SGCD: variants seen among roughly 807,000 people sequenced by gnomAD.
The protein encoded by SGCD is sarcoglycan delta, also known as delta-sarcoglycan.
A neutral mutation model predicts 36.6 loss-of-function variants in SGCD; 18 were observed. That is an observed-to-expected ratio of 0.49 (90% CI 0.34 to 0.73). The LOEUF (loss-of-function observed/expected upper bound fraction) is 0.73. SGCD is among the 30% of genes least tolerant of loss of function. The pLI is 0.01. For missense variants in SGCD, 387 were observed against 346.7 expected (o/e 1.12, Z -0.92); for synonymous variants, 133 against 130.6 (o/e 1.02, Z -0.12).
intron 4 of SGCD, among the ~76,000 whole-genome samples, chr5:156,531,300 C>A (rs188442348): frequency 2.0e-5 from 3 of 152,252 alleles, no homozygotes; most frequent in African/African-American, 7.2e-5. Flanking sequence ...GCCTCCAGGA[C>A]TATAAGAAAG....
intron 3 of SGCD, among the ~76,000 whole-genome samples, chr5:156,371,707 A>G (rs1371559894): frequency 3.3e-5 from 5 of 152,112 alleles, no homozygotes; most frequent in Admixed American, 1.3e-4. Flanking sequence ...GATTACAGAG[A>G]CTTTGAGTTG....
rs62380870 is a variant in SGCD, at chr5:156,639,107, C to T, written c.503-8357C>T. Among the ~76,000 whole-genome samples the T allele has an allele frequency of 5.9e-3, 900 of 151,628 alleles. 3 individuals are homozygous for T. The highest frequency in any genetic ancestry group is 0.045 in the Middle Eastern group (13 of 288). ...ATGTATAGCATTTTATGATATATTA[C>T]ACTTTAATATATATGTAATATATCT... On this transcript the variant is annotated intron_variant, in intron 6 of 8. Coordinates refer to ENST00000337851, the MANE Select transcript of SGCD (RefSeq NM_000337.6).
At chr5:156,679,969 T>A (rs1002193568) in intron 7 of SGCD, among the ~76,000 whole-genome samples, 10 of 152,298 alleles carry the variant, frequency 6.6e-5, no homozygotes, top group African/African-American at 2.4e-4. Context: ...TAAGAGAAAT[T>A]CTGGGGCAAG....
At chr5:156,602,295 A>G (rs1761228222) in intron 6 of SGCD, among the ~76,000 whole-genome samples, 1 of 150,104 alleles carries the variant, frequency 6.7e-6, no homozygotes, top group African/African-American at 2.5e-5. Flanking sequence ...CGTCCATTTG[A>G]TGTCCCACAA....
chr5:156,413,453 C>A (rs958453618), intron 3 of SGCD, among the ~76,000 whole-genome samples: 4 of 152,188 alleles, frequency 2.6e-5, no homozygotes, highest in African/African-American at 9.7e-5. Context: ...AGGCCAAATG[C>A]AGGATGAATG....
At chr5:156,452,324 T>A (rs558171923) in intron 3 of SGCD, among the ~76,000 whole-genome samples, 1 of 152,294 alleles carries the variant, frequency 6.6e-6, no homozygotes, top group Non-Finnish European at 1.5e-5. Flanking sequence ...CTGAAGAGTT[T>A]ATTTCTTTTC....
rs188751499 is a variant in SGCD at position 156,600,361 on chromosome 5, C to G, written c.502+5310C>G. ...GTAACCACCTTTCTATTCTCAACTT[C>G]TATTTAATATGAAATCAACTTTTTT... On this transcript the variant is annotated intron_variant, in intron 6 of 8. Transcript: ENST00000337851. 4.6e-3 allele frequency among the ~76,000 whole-genome samples: 698 copies of G among 152,276 alleles called. 1 individual carries two copies. Among genetic ancestry groups the G allele is most frequent in the African/African-American group, 0.015 (643 of 41,554 alleles).
At chr5:156,509,326 G>T (rs1756836894) in intron 4 of SGCD, among the ~76,000 whole-genome samples, 2 of 152,154 alleles carry the variant, frequency 1.3e-5, no homozygotes, top group Non-Finnish European at 2.9e-5. Flanking sequence ...TAGGGAGGCT[G>T]ATGCAGGAGA....
intron 3 of SGCD, among the ~76,000 whole-genome samples, chr5:156,183,768 C>G (rs1763665701): frequency 6.6e-6 from 1 of 152,124 alleles, no homozygotes. Flanking sequence ...TGATGGAACT[C>G]TATCAAGAGG....
intron 3 of SGCD, among the ~76,000 whole-genome samples, chr5:156,249,460 A>G (rs576781513): frequency 6.6e-6 from 1 of 152,346 alleles, no homozygotes; most frequent in Non-Finnish European, 1.5e-5. Context: ...GTGCCCTAAT[A>G]TTCCTGCTTG....
intron 4 of SGCD, among the ~76,000 whole-genome samples, chr5:156,531,677 T>A (rs1423021208): frequency 1.3e-5 from 2 of 152,172 alleles, no homozygotes; most frequent in Non-Finnish European, 2.9e-5. Flanking sequence ...TCTTAAAATT[T>A]CCCTTGAAAA....
intron 3 of SGCD, among the ~76,000 whole-genome samples, chr5:156,250,893 G>C (rs113114682): frequency 5.1e-4 from 77 of 152,292 alleles, no homozygotes; most frequent in African/African-American, 1.8e-3. Flanking sequence ...AGATAACCAA[G>C]TATCTTGTTG....
the SGCD span, among the ~76,000 whole-genome samples, chr5:155,806,360 G>T: frequency 8.5e-5 from 13 of 152,162 alleles, no homozygotes; most frequent in Admixed American, 2.6e-4. Flanking sequence ...TCACCATTTT[G>T]GCCAGGCTGG....
intron 1 of SGCD, among the ~76,000 whole-genome samples, chr5:156,072,847 T>C (rs996938090): frequency 1.3e-5 from 2 of 152,190 alleles, no homozygotes; most frequent in African/African-American, 4.8e-5. Flanking sequence ...TTCTTTTTTC[T>C]CTAAACTTCC....
the SGCD span, among the ~76,000 whole-genome samples, chr5:155,740,636 A>G: frequency 6.6e-6 from 1 of 152,166 alleles, no homozygotes; most frequent in Non-Finnish European, 1.5e-5. Flanking sequence ...TCTGATTACA[A>G]ATTGGTCTTG....
chr5:155,729,639 G>T, the SGCD span, among the ~76,000 whole-genome samples: 6 of 152,188 alleles, frequency 3.9e-5, no homozygotes, highest in Middle Eastern at 3.2e-3. Flanking sequence ...CGGGCATCCT[G>T]TGGCTAGGCG....
chr5:155,816,059 G>A, the SGCD span, among the ~76,000 whole-genome samples: 1 of 152,152 alleles, frequency 6.6e-6, no homozygotes. Context: ...TGAAAATAGT[G>A]GTGGTGGGGA....
chr5:156,541,940 A>C (rs1758363360), intron 4 of SGCD, among the ~76,000 whole-genome samples: 1 of 152,144 alleles, frequency 6.6e-6, no homozygotes, highest in Non-Finnish European at 1.5e-5. Context: ...ATGCCATACA[A>C]CTTGGCATTT....
Position 156,480,678 on chromosome 5 carries a change from TTAA to T in SGCD, c.193-27921_193-27919del, listed in dbSNP as rs560956374. ...CTAACTAGATTTGTGGGGGAATGAA[TTAA>T]TGTTTTTCTGAAACCCTGCTCTCTT... On this transcript the variant is annotated intron_variant, in intron 3 of 8. Coordinates refer to ENST00000337851, the MANE Select transcript of SGCD (RefSeq NM_000337.6). Among the ~76,000 whole-genome samples, 47 of 152,368 alleles carry T rather than the reference TTAA, an allele frequency of 3.1e-4. 1 individual carries two copies. Among genetic ancestry groups the T allele is most frequent in the African/African-American group, 1.1e-3 (45 of 41,586 alleles).
Sources: allele counts gnomAD v4.1 joint callset (sites outside exome capture counted in the v4.1 genomes callset), GRCh38; gene constraint gnomAD v4.1.1; transcripts MANE v1.5; gene names NCBI Gene and HGNC (gene_info 2026-07-23, HGNC 2026-07-21).